The following KIF21A variants were observed in gnomAD, a reference collection of about 807,000 sequenced individuals.
KIF21A encodes the protein kinesin family member 21A.
Under a neutral mutation model 202.9 loss-of-function variants are expected in KIF21A, and 114 were observed. That is an observed-to-expected ratio of 0.56 (90% CI 0.48 to 0.66). KIF21A has a LOEUF of 0.66. KIF21A is among the 30% of genes least tolerant of loss of function. The pLI is 0.00. For synonymous variants in KIF21A, 667 were observed against 670.8 expected (o/e 0.99, Z 0.09); for missense variants, 1,677 against 1,994.9 (o/e 0.84, Z 3.04).
At chr12:39,436,422 T>TTATATATATATATATATATA (rs1199818833) in intron 1 of KIF21A, among the ~76,000 whole-genome samples, 68 of 99,076 alleles carry the variant, frequency 6.9e-4, no homozygotes, top group South Asian at 1.9e-3. Context: ...GTTTACTATA[T>TTATATATATATATATATATA]TATATATATA....
chr12:39,300,115 A>C (rs1400295381), intron 37 of KIF21A, among the ~76,000 whole-genome samples: 1 of 152,158 alleles, frequency 6.6e-6, no homozygotes, highest in Admixed American at 6.5e-5. Context: ...AAAAGTAAAA[A>C]AAAAGAAAAA....
At position 39,367,992 on chromosome 12, in the gene KIF21A, C is replaced by T. The variant is rs781488871; in HGVS notation, c.491G>A (p.Arg164His). ...TTTTTTACTTTTTGCATCAATATCA[C>T]GAGTGGTATCAAATAAGTCAAGGAC... ...EEVLDLFDTT[R>H]DIDAKSKKSN... Residue 164 changes from arginine (R) to histidine (H), a missense_variant, in exon 4 of 38, where the codon CGT (arginine) becomes CAT (histidine). Arg to His is a conservative substitution (Grantham distance 29). This residue lies in a region of KIF21A where 966 missense variants were observed against 1,180.9 expected (regional missense o/e 0.82). Coordinates refer to ENST00000361418, the MANE Select transcript of KIF21A (RefSeq NM_001173464.2). The T allele has an allele frequency of 3.9e-5, 62 of 1,599,320 alleles. No homozygotes were observed. The highest frequency in any genetic ancestry group is 5.0e-5 in the Non-Finnish European group (58 of 1,167,704).
chr12:39,311,052 A>G (rs1265561984), intron 32 of KIF21A, among the ~76,000 whole-genome samples: 1 of 152,068 alleles, frequency 6.6e-6, no homozygotes, highest in Non-Finnish European at 1.5e-5. Flanking sequence ...CCTGATATGT[A>G]GTAAGTGTTG....
intron 1 of KIF21A, among the ~76,000 whole-genome samples, chr12:39,397,449 C>G (rs1361855991): frequency 6.6e-6 from 1 of 151,950 alleles, no homozygotes; most frequent in Non-Finnish European, 1.5e-5. Flanking sequence ...CCCCATAGAG[C>G]TGATTCACCT....
intron 16 of KIF21A, among the ~76,000 whole-genome samples, chr12:39,339,879 A>G (rs1947304405): frequency 6.6e-6 from 1 of 152,204 alleles, no homozygotes; most frequent in African/African-American, 2.4e-5. Flanking sequence ...CATATTTGAA[A>G]TATTTTATAC....
At chr12:39,323,054 T>TA (rs58235468) in intron 26 of KIF21A, among the ~76,000 whole-genome samples, 172 bp from the exon 27 acceptor site, 45,216 of 151,946 alleles carry the variant, frequency 0.3, 8,470 homozygotes, top group African/African-American at 0.53. Flanking sequence ...TATAGCTAGA[T>TA]AAACCTTTAG....
chr12:39,324,815 T>C (rs948151720), intron 26 of KIF21A, among the ~76,000 whole-genome samples: 3 of 152,212 alleles, frequency 2.0e-5, no homozygotes, highest in African/African-American at 7.2e-5. Context: ...GATTAACCAC[T>C]GTGGGCCTTA....
At chr12:39,364,818 C>A (rs1391980083) in intron 6 of KIF21A, among the ~76,000 whole-genome samples, 2 of 152,124 alleles carry the variant, frequency 1.3e-5, no homozygotes, top group African/African-American at 4.8e-5. Flanking sequence ...AAGATGATAA[C>A]AACCTTTTCC....
At chr12:39,323,607 A>C (rs1945527769) in intron 26 of KIF21A, among the ~76,000 whole-genome samples, 1 of 152,180 alleles carries the variant, frequency 6.6e-6, no homozygotes, top group Non-Finnish European at 1.5e-5. Flanking sequence ...TACTCTTGAC[A>C]ACCAAGTGAC....
rs770896441 is a variant in KIF21A at position 39,340,236 on chromosome 12, T to G, written c.2239A>C (p.Lys747Gln). Reference protein sequence around the residue: ...AAQKEHARLLKNQSQYEKQLK... With the variant: ...AAQKEHARLLQNQSQYEKQLK... ...TGCTTTTCATACTGAGACTGATTTT[T>G]AAGCAACCTTGCATGTTCTTTTTGA... The change falls in exon 16 of 38, where the codon AAA (lysine) becomes CAA (glutamine). Residue 747 changes from lysine (K) to glutamine (Q), a missense_variant. By Grantham distance (53) the Lys-to-Gln change is moderately conservative. Coordinates refer to ENST00000361418, the MANE Select transcript of KIF21A (RefSeq NM_001173464.2). The G allele has an allele frequency of 1.2e-6, 2 of 1,613,100 alleles. No homozygotes were observed. The highest frequency in any genetic ancestry group is 2.7e-5 in the African/African-American group (2 of 74,864).
intron 10 of KIF21A, among the ~76,000 whole-genome samples, chr12:39,355,274 G>A (rs928493045): frequency 6.6e-6 from 1 of 152,160 alleles, no homozygotes; most frequent in Non-Finnish European, 1.5e-5. Flanking sequence ...CCACCAGAAG[G>A]AGTGGAAGTG....
chr12:39,372,561 T>C (rs1950030690), intron 1 of KIF21A, among the ~76,000 whole-genome samples: 1 of 152,216 alleles, frequency 6.6e-6, no homozygotes, highest in African/African-American at 2.4e-5. Context: ...TAACTGTAGA[T>C]ACTGTATTAT....
At chr12:39,314,076 G>C (rs951452703) in intron 31 of KIF21A, among the ~76,000 whole-genome samples, 8 of 151,700 alleles carry the variant, frequency 5.3e-5, no homozygotes, top group Admixed American at 4.6e-4. Flanking sequence ...GGGAAAAAAA[G>C]GGCTGATGAA....
At chr12:39,414,116 T>G (rs1420392907) in intron 1 of KIF21A, among the ~76,000 whole-genome samples, 2 of 152,212 alleles carry the variant, frequency 1.3e-5, no homozygotes, top group Non-Finnish European at 2.9e-5. Flanking sequence ...TTTCTTTTCC[T>G]TTATATATTA....
At position 39,293,546 on chromosome 12, in the gene KIF21A, C is replaced by G. The variant is rs760984608; in HGVS notation, c.*878G>C. Reference sequence around the variant, plus strand: ...CATCATAGCTACCAAGGTTCGCAAACATAGTATATTTAAAATATATTTAGC... The same window carrying G: ...CATCATAGCTACCAAGGTTCGCAAAGATAGTATATTTAAAATATATTTAGC... On this transcript the variant is annotated 3_prime_UTR_variant, in exon 38 of 38. Transcript: ENST00000361418. The G allele has an allele frequency of 1.3e-5, 2 of 152,080 alleles. No homozygotes were observed. The highest frequency in any genetic ancestry group is 2.4e-5 in the African/African-American group (1 of 41,264). 9.4% of individuals were successfully genotyped at this position (152,080 alleles called of 1,614,324 possible).
chr12:39,369,596 G>T, intron 3 of KIF21A, 133 bp downstream of exon 3: 1 of 680,788 alleles, frequency 1.5e-6, no homozygotes, highest in Non-Finnish European at 2.5e-6. Flanking sequence ...ACTATCTAAT[G>T]TTAATTTACT....
chr12:39,366,691 C>T (rs1949625580), intron 5 of KIF21A, among the ~76,000 whole-genome samples, 174 bp from the exon 6 acceptor site: 1 of 152,068 alleles, frequency 6.6e-6, no homozygotes, highest in South Asian at 2.1e-4. Context: ...TCAGAAAAAG[C>T]CTGGATGGTC....
intron 1 of KIF21A, among the ~76,000 whole-genome samples, chr12:39,370,608 A>G (rs563612165): frequency 6.6e-6 from 1 of 152,070 alleles, no homozygotes; most frequent in Non-Finnish European, 1.5e-5. Flanking sequence ...ATTTGCTATT[A>G]TTATTGTTTT....
At chr12:39,399,733 A>G (rs1180193107) in intron 1 of KIF21A, among the ~76,000 whole-genome samples, 1 of 152,180 alleles carries the variant, frequency 6.6e-6, no homozygotes, top group Non-Finnish European at 1.5e-5. Context: ...TGTCTCTCTG[A>G]TAGGCCCCTA....
Sources: allele counts gnomAD v4.1 joint callset (sites outside exome capture counted in the v4.1 genomes callset), GRCh38; gene constraint gnomAD v4.1.1; regional missense constraint gnomAD v4.1.1; transcripts MANE v1.5; gene names NCBI Gene and HGNC (gene_info 2026-07-23, HGNC 2026-07-21).